The following PCDH15 variants were observed in gnomAD, a reference collection of about 807,000 sequenced individuals.
PCDH15 encodes the protein protocadherin-15.
Under a neutral mutation model 178.5 loss-of-function variants are expected in PCDH15, and 129 were observed. That is an observed-to-expected ratio of 0.72 (90% CI 0.63 to 0.84). The LOEUF (loss-of-function observed/expected upper bound fraction) is 0.84, where lower values mean the gene tolerates loss of function less well. Among genes scored for constraint, PCDH15 ranks in the 40% least tolerant of loss-of-function variants. The pLI is 0.00. For synonymous variants in PCDH15, 800 were observed against 732.0 expected (o/e 1.09, Z -1.50); for missense variants, 2,230 against 2,099.9 (o/e 1.06, Z -1.21).
chr10:54,463,464 G>A (rs1179623709), intron 3 of PCDH15, among the ~76,000 whole-genome samples: 1 of 152,170 alleles, frequency 6.6e-6, no homozygotes, highest in African/African-American at 2.4e-5. Flanking sequence ...AGAGCCAGGA[G>A]TTGAAATGAG....
At chr10:54,443,453 A>T (rs2075961256) in intron 3 of PCDH15, among the ~76,000 whole-genome samples, 2 of 151,460 alleles carry the variant, frequency 1.3e-5, no homozygotes, top group Admixed American at 1.3e-4. Flanking sequence ...AGGCACTTAG[A>T]TACATTATTC....
chr10:53,959,278 T>G (rs2088012713), intron 23 of PCDH15, among the ~76,000 whole-genome samples: 1 of 150,652 alleles, frequency 6.6e-6, no homozygotes, highest in Non-Finnish European at 1.5e-5. Context: ...ACACTATATA[T>G]ATACACATGC....
chr10:54,477,092 A>T (rs1043392996), intron 3 of PCDH15, among the ~76,000 whole-genome samples: 3 of 152,210 alleles, frequency 2.0e-5, no homozygotes, highest in South Asian at 4.1e-4. Flanking sequence ...ATTTATTTAC[A>T]TCTTTCTCAT....
At chr10:54,714,648 T>C (rs1436653101) in intron 1 of PCDH15, among the ~76,000 whole-genome samples, 2 of 152,166 alleles carry the variant, frequency 1.3e-5, no homozygotes, top group East Asian at 3.9e-4. Flanking sequence ...AGAGTCATAG[T>C]GAATTGGCTT....
chr10:54,555,083 G>C (rs1565584536), intron 2 of PCDH15, among the ~76,000 whole-genome samples: 1 of 152,122 alleles, frequency 6.6e-6, no homozygotes, highest in Admixed American at 6.6e-5. Flanking sequence ...GATGTGATAA[G>C]GGAAGTTGAT....
intron 15 of PCDH15, among the ~76,000 whole-genome samples, chr10:54,127,978 A>T (rs1440786305): frequency 1.3e-5 from 2 of 152,194 alleles, no homozygotes; most frequent in Non-Finnish European, 2.9e-5. Context: ...GACTGGGAAC[A>T]GGGTGGGTGG....
chr10:53,876,266 C>A (rs1205576712), intron 26 of PCDH15, among the ~76,000 whole-genome samples: 2 of 151,596 alleles, frequency 1.3e-5, no homozygotes, highest in East Asian at 2.0e-4. Flanking sequence ...CAGCTCACTG[C>A]AACCTCCGCC....
chr10:54,173,311 G>A (rs181142222), intron 13 of PCDH15, among the ~76,000 whole-genome samples: 8 of 151,930 alleles, frequency 5.3e-5, no homozygotes, highest in Non-Finnish European at 1.0e-4. Context: ...ATTTGGCATC[G>A]TGCGCAATAC....
Position 53,806,500 on chromosome 10 carries a change from G to GTT in PCDH15, c.*77_*78dup, listed in dbSNP as rs1564505810. ...GTGCATGATATAAATTCCATACATT[G>GTT]TTTTCTCAGTGACAATAAAAAGCAC... On this transcript the variant is annotated 3_prime_UTR_variant, in exon 38 of 38. Coordinates refer to ENST00000644397, the MANE Select transcript of PCDH15 (RefSeq NM_001384140.1). 8.3e-7 allele frequency: 1 copy of GTT among 1,209,928 alleles called. No homozygotes were observed. The highest frequency in any genetic ancestry group is 2.6e-5 in the East Asian group (1 of 39,022). The allele number at this position is 1,209,928 out of a possible 1,614,324, so 74.9% of individuals were successfully genotyped here. A position where few individuals can be genotyped will look rare whatever the true frequency, so the allele number is the denominator to read the frequency against.
At position 54,964,665 on chromosome 10, in the gene PCDH15, G is replaced by A. The variant is rs573515753; in HGVS notation, c.-79-67165C>T. ...TATAAGATCCTTAAAACATTTAGAA[G>A]ACAAAATTATGTTAATAATATCACT... On this transcript the variant is annotated intron_variant, in intron 2 of 5. Coordinates refer to the PCDH15 transcript ENST00000458638. 1.6e-4 allele frequency among the ~76,000 whole-genome samples: 25 copies of A among 152,206 alleles called. No individual in the cohort carries two copies. The South Asian group carries it at 4.4e-3, about 27-fold the overall frequency.
intron 2 of PCDH15, among the ~76,000 whole-genome samples, chr10:55,337,851 ATAAT>A (rs56026382): frequency 0.54 from 82,229 of 151,374 alleles, 22,783 homozygotes; most frequent in African/African-American, 0.64. Flanking sequence ...ATGAAAGGAA[ATAAT>A]TAACGAAATA....
At chr10:55,152,458 A>T (rs1161147295) in intron 2 of PCDH15, among the ~76,000 whole-genome samples, 4 of 152,214 alleles carry the variant, frequency 2.6e-5, no homozygotes, top group Non-Finnish European at 5.9e-5. Flanking sequence ...TTTAAAAATG[A>T]AAAGAGAAAA....
chr10:54,721,671 A>G (rs1941635543), intron 1 of PCDH15, among the ~76,000 whole-genome samples: 1 of 151,952 alleles, frequency 6.6e-6, no homozygotes, highest in South Asian at 2.1e-4. Context: ...TTGAAGTAGG[A>G]TAAAACAGAA....
At chr10:54,355,455 C>T (rs917719911) in intron 5 of PCDH15, among the ~76,000 whole-genome samples, 3 of 151,640 alleles carry the variant, frequency 2.0e-5, no homozygotes, top group African/African-American at 7.3e-5. Context: ...GGCACAGTGT[C>T]TTGTTTAAAA....
At chr10:54,042,349 T>C (rs1008892242) in intron 18 of PCDH15, among the ~76,000 whole-genome samples, 1 of 152,104 alleles carries the variant, frequency 6.6e-6, no homozygotes, top group Non-Finnish European at 1.5e-5. Context: ...TAAATAGGAA[T>C]ATGCTATATT....
intron 2 of PCDH15, among the ~76,000 whole-genome samples, chr10:55,427,111 C>A (rs1838776544): frequency 6.6e-6 from 1 of 152,138 alleles, no homozygotes; most frequent in African/African-American, 2.4e-5. Context: ...CAGAGACCTG[C>A]CCTCATCTTC....
intron 15 of PCDH15, among the ~76,000 whole-genome samples, chr10:54,123,413 T>A (rs925789140): frequency 6.6e-6 from 1 of 151,904 alleles, no homozygotes; most frequent in Non-Finnish European, 1.5e-5. Flanking sequence ...AAGAAATATA[T>A]GAAAAAAATG....
chr10:54,430,892 G>C (rs912539919), intron 3 of PCDH15, among the ~76,000 whole-genome samples: 2 of 151,850 alleles, frequency 1.3e-5, no homozygotes, highest in Non-Finnish European at 2.9e-5. Context: ...AAAAGGAGAA[G>C]ACCCAAATAA....
At chr10:55,254,964 T>TA (rs1841950035) in intron 1 of PCDH15, among the ~76,000 whole-genome samples, 1 of 145,052 alleles carries the variant, frequency 6.9e-6, no homozygotes, top group Non-Finnish European at 1.5e-5. Flanking sequence ...TTTTTTTTTT[T>TA]ATTATACTTT....
Sources: gnomAD v4.1 joint callset for allele counts (sites outside exome capture counted in the v4.1 genomes callset) on GRCh38, gnomAD v4.1.1 for gene constraint, MANE v1.5 for transcripts, NCBI Gene and HGNC (gene_info 2026-07-23, HGNC 2026-07-21) for gene names.